PTPN4: variants seen among roughly 807,000 people sequenced by gnomAD.
The protein encoded by PTPN4 is tyrosine-protein phosphatase non-receptor type 4.
Under a neutral mutation model 135.5 loss-of-function variants are expected in PTPN4, and 49 were observed. That is an observed-to-expected ratio of 0.36 (90% CI 0.29 to 0.46). The LOEUF (loss-of-function observed/expected upper bound fraction) is 0.46, where lower values mean the gene tolerates loss of function less well. Ranked by LOEUF, PTPN4 falls within the 20% of genes least tolerant of loss-of-function variation. PTPN4 has a pLI of 1.00. For synonymous variants in PTPN4, 333 were observed against 369.9 expected, an observed-to-expected ratio of 0.90 and a Z score of 1.14; for missense variants, 860 against 1,101.0, an observed-to-expected ratio of 0.78 and a Z score of 3.10.
chr2:119,924,545 G>C (rs1476029878), intron 12 of PTPN4, among the ~76,000 whole-genome samples: 1 of 151,884 alleles, frequency 6.6e-6, no homozygotes, highest in Admixed American at 6.6e-5. Flanking sequence ...TATATAAAGA[G>C]AGAGAGAAAG....
intron 1 of PTPN4, among the ~76,000 whole-genome samples, chr2:119,805,192 C>T (rs892366711): frequency 1.3e-5 from 2 of 152,012 alleles, no homozygotes; most frequent in African/African-American, 4.8e-5. Context: ...ATTAGCCCTT[C>T]GTAGATGGAT....
In PTPN4 at chr2:119,945,240, T is replaced by G. The variant is rs1211052728; in HGVS notation, c.1515T>G (p.Thr505=). 2.0e-6 allele frequency: 3 copies of G among 1,527,830 alleles called. No individual in the cohort carries two copies. Among genetic ancestry groups the G allele is most frequent in the Non-Finnish European group, 2.6e-6 (3 of 1,139,744 alleles). The allele number at this position is 1,527,830 out of a possible 1,614,324, so 94.6% of individuals were successfully genotyped here. ...FDIPSSPEKP[T]PNGGIPHDNL... is the part of the protein sequence containing the mutation. The stretch of plus-strand genomic sequence containing the variant: ...TTCCATCTTCTCCTGAAAAACCCAC[T>G]GTAAGTAGCTTCTTCAGATATTCTC... Residue 505 remains threonine (T), a splice_region_variant and synonymous_variant, in exon 16 of 27, where the codon ACT becomes ACG. Transcript: ENST00000263708.
intron 23 of PTPN4, among the ~76,000 whole-genome samples, chr2:119,962,007 GA>G (rs1473104211): frequency 6.6e-6 from 1 of 152,148 alleles, no homozygotes; most frequent in East Asian, 1.9e-4. Flanking sequence ...TGAATATACT[GA>G]AAACTATTGT....
Position 119,862,610 on chromosome 2 carries a change from T to G in PTPN4, c.213T>G (p.Gly71=). 1 of 1,613,218 alleles carries G rather than the reference T, an allele frequency of 6.2e-7. No homozygotes were observed. The highest frequency in any genetic ancestry group is 8.5e-7 in the Non-Finnish European group (1 of 1,179,450). The stretch of plus-strand genomic sequence containing the variant: ...ATTTGACTGAGCAGGACTATTTTGG[T>G]TTACAGTTGGCTGATGATTCCACAG... The part of the protein sequence containing the change: ...HLDLTEQDYF[G]LQLADDSTDN... Residue 71 remains glycine, a synonymous_variant, in exon 3 of 27, where the codon GGT becomes GGG. Transcript: ENST00000263708.
At chr2:119,920,785 A>G (rs1312182573) in intron 12 of PTPN4, among the ~76,000 whole-genome samples, 2 of 152,222 alleles carry the variant, frequency 1.3e-5, no homozygotes, top group East Asian at 1.9e-4. Context: ...CCTGACGGCA[A>G]CAAATCTTTG....
At chr2:119,827,844 A>C (rs1453535579) in intron 2 of PTPN4, among the ~76,000 whole-genome samples, 1 of 152,220 alleles carries the variant, frequency 6.6e-6, no homozygotes, top group Non-Finnish European at 1.5e-5. Context: ...TATGTAGTTC[A>C]ATCTAAGTAT....
At chr2:119,889,284 G>A (rs1395396077) in intron 9 of PTPN4, among the ~76,000 whole-genome samples, 3 of 152,148 alleles carry the variant, frequency 2.0e-5, no homozygotes, top group African/African-American at 4.8e-5. Flanking sequence ...GCCGGTCGTG[G>A]TGGTGGGCAC....
At position 119,984,536 on chromosome 2, in the gene PTPN4, A is replaced by C. The variant is rs554875914; in HGVS notation, c.*7466A>C. ...CAAAGAAGCTAAGGGTTTATTTAAAATGTGTATAAGCTTGAATTTGGTCAA... is the reference window on the plus strand; with the variant it reads ...CAAAGAAGCTAAGGGTTTATTTAAACTGTGTATAAGCTTGAATTTGGTCAA... On this transcript the variant is annotated 3_prime_UTR_variant, in exon 27 of 27. Coordinates refer to ENST00000263708, the MANE Select transcript of PTPN4 (RefSeq NM_002830.4). Among the ~76,000 whole-genome samples the C allele has an allele frequency of 1.2e-3, 183 of 152,312 alleles. 1 individual carries two copies. Among genetic ancestry groups the C allele is most frequent in the African/African-American group, 4.3e-3 (180 of 41,564 alleles).
chr2:119,833,775 C>T (rs1252301570), intron 2 of PTPN4, among the ~76,000 whole-genome samples: 2 of 152,128 alleles, frequency 1.3e-5, no homozygotes, highest in African/African-American at 2.4e-5. Context: ...ACTTTTCCTT[C>T]TTCATTCCAG....
intron 2 of PTPN4, among the ~76,000 whole-genome samples, chr2:119,847,413 C>T (rs1400664408): frequency 1.2e-4 from 18 of 150,558 alleles, no homozygotes; most frequent in East Asian, 3.9e-4. Context: ...CTGCAACCTC[C>T]GCCTCCCAGG....
chr2:119,812,377 C>T (rs1172100951), intron 2 of PTPN4, among the ~76,000 whole-genome samples: 2 of 152,176 alleles, frequency 1.3e-5, no homozygotes, highest in Non-Finnish European at 2.9e-5. Context: ...TTGGAGACTA[C>T]CAGGCATTGG....
At chr2:119,860,216 A>G (rs1464014265) in intron 2 of PTPN4, among the ~76,000 whole-genome samples, 2 of 152,190 alleles carry the variant, frequency 1.3e-5, no homozygotes, top group African/African-American at 2.4e-5. Flanking sequence ...GGTAGACTGT[A>G]TCAGTATATA....
chr2:119,910,284 C>G lies in PTPN4; in HGVS notation c.765-4895C>G, dbSNP rs577343985. Among the ~76,000 whole-genome samples, 6 of 152,142 alleles carry G rather than the reference C, an allele frequency of 3.9e-5. No homozygotes were observed. The East Asian group carries it at 9.6e-4, about 24-fold the overall frequency. ...CTTGTTTTCATTATAGTATATCGAA[C>G]TCTTAATAGACTACAGTATAGTGTA... On this transcript the variant is annotated intron_variant, in intron 10 of 26. Coordinates refer to ENST00000263708, the MANE Select transcript of PTPN4 (RefSeq NM_002830.4).
chr2:119,945,461 G>A (rs1423766859), intron 16 of PTPN4, among the ~76,000 whole-genome samples: 1 of 152,086 alleles, frequency 6.6e-6, no homozygotes, highest in African/African-American at 2.4e-5. Context: ...TAAATAAGCT[G>A]TGGGGTTAAG....
chr2:119,831,120 C>G (rs1574357549), intron 2 of PTPN4, among the ~76,000 whole-genome samples: 1 of 152,156 alleles, frequency 6.6e-6, no homozygotes, highest in East Asian at 1.9e-4. Context: ...GCATTAGATT[C>G]TAATAAGGAG....
chr2:119,842,122 AACTC>A (rs1677390600), intron 2 of PTPN4, among the ~76,000 whole-genome samples: 1 of 152,214 alleles, frequency 6.6e-6, no homozygotes, highest in South Asian at 2.1e-4. Flanking sequence ...AGTAGAGTGA[AACTC>A]AGAAAGATAA....
intron 14 of PTPN4, 98 bp downstream of exon 14, chr2:119,932,647 A>G: frequency 5.2e-6 from 7 of 1,356,626 alleles, no homozygotes; most frequent in Non-Finnish European, 7.0e-6. Flanking sequence ...ATACGCAAAA[A>G]TTGAATTCTT....
chr2:119,940,872 A>G (rs779379718), intron 15 of PTPN4, among the ~76,000 whole-genome samples: 15 of 152,172 alleles, frequency 9.9e-5, no homozygotes, highest in East Asian at 1.9e-4. Flanking sequence ...TTCTTTTTTA[A>G]AAGTAATAAA....
intron 1 of PTPN4, among the ~76,000 whole-genome samples, chr2:119,768,464 T>C (rs754688955): frequency 6.6e-6 from 1 of 152,204 alleles, no homozygotes; most frequent in Non-Finnish European, 1.5e-5. Context: ...AGGAAATACA[T>C]ATATGTATAC....
Sources: allele counts gnomAD v4.1 joint callset (sites outside exome capture counted in the v4.1 genomes callset), GRCh38; gene constraint gnomAD v4.1.1; transcripts MANE v1.5; gene names NCBI Gene and HGNC (gene_info 2026-07-23, HGNC 2026-07-21).